The following DNAH17 variants were observed in gnomAD, a reference collection of about 807,000 sequenced individuals.
The protein encoded by DNAH17 is axonemal beta dynein heavy chain 17.
DNAH17 carries 376 observed loss-of-function variants against 485.6 expected under a neutral mutation model. That is an observed-to-expected ratio of 0.77 (90% CI 0.71 to 0.84). The LOEUF (loss-of-function observed/expected upper bound fraction) is 0.84. Ranked by LOEUF, DNAH17 falls within the 40% of genes least tolerant of loss-of-function variation. DNAH17 has a pLI of 0.00. For synonymous variants in DNAH17, 3,031 were observed against 2,405.9 expected, an observed-to-expected ratio of 1.26 and a Z score of -7.60; for missense variants, 6,370 against 5,839.3, an observed-to-expected ratio of 1.09 and a Z score of -2.96.
intron 48 of DNAH17, among the ~76,000 whole-genome samples, chr17:78,482,548 C>T (rs1054478832): frequency 3.3e-5 from 5 of 152,066 alleles, no homozygotes; most frequent in African/African-American, 1.2e-4. Context: ...ATTTTTTGCC[C>T]TTCTGTGTGT....
intron 74 of DNAH17, among the ~76,000 whole-genome samples, chr17:78,435,253 G>A (rs899456741): frequency 3.3e-5 from 5 of 152,130 alleles, no homozygotes; most frequent in Non-Finnish European, 7.3e-5. Context: ...AAGGCCTGGC[G>A]GGTGTCACCG....
intron 74 of DNAH17, among the ~76,000 whole-genome samples, chr17:78,435,497 TGGGATGA>T (rs1381946308): frequency 6.6e-6 from 1 of 152,096 alleles, no homozygotes; most frequent in Non-Finnish European, 1.5e-5. Flanking sequence ...CAACCAGAGA[TGGGATGA>T]GGTGCCACTC....
chr17:78,490,722 G>A lies in DNAH17; in HGVS notation c.6795C>T (p.Asn2265=). The A allele has an allele frequency of 1.2e-6, 2 of 1,608,658 alleles. No individual in the cohort carries two copies. ...TVSRAGILYI[N]PADLGWNPVV... ...ACGGGTTCCATCCCAGGTCGGCTGG[G>A]TTGATGTAGAGGATGCCGGCTCTGG... Residue 2265 remains asparagine, a synonymous_variant, in exon 44 of 81, where the codon AAC becomes AAT. Transcript: ENST00000389840.
At chr17:78,541,705 A>G (rs2091593675) in intron 17 of DNAH17, among the ~76,000 whole-genome samples, 1 of 151,820 alleles carries the variant, frequency 6.6e-6, no homozygotes, top group African/African-American at 2.4e-5. Context: ...CTTGGCTTCA[A>G]CCTCAGCCCA....
intron 3 of DNAH17, among the ~76,000 whole-genome samples, 168 bp downstream of exon 3, chr17:78,572,533 G>T (rs2092373987): frequency 6.7e-6 from 1 of 149,692 alleles, no homozygotes; most frequent in South Asian, 2.1e-4. Context: ...CTCAGTCTCA[G>T]CACCACCTAA....
At position 78,530,327 on chromosome 17, in the gene DNAH17, A is replaced by G. The variant is rs766469217; in HGVS notation, c.3284+16T>C. The stretch of plus-strand genomic sequence containing the variant: ...CACATTCCTTGGGCTCCCCGAGTAC[A>G]TGGCTGGGGACCCACCTGTTGGTGA... On this transcript the variant is annotated intron_variant, in intron 21 of 80. Transcript: ENST00000389840. The G allele has an allele frequency of 1.9e-5, 31 of 1,595,396 alleles. No individual in the cohort carries two copies. In the South Asian group the frequency reaches 3.1e-4, roughly 16 times the overall value.
chr17:78,480,001 AAAC>A (rs1376839678), intron 49 of DNAH17, among the ~76,000 whole-genome samples: 2 of 150,184 alleles, frequency 1.3e-5, no homozygotes, highest in African/African-American at 4.9e-5. Context: ...AATTTCAGAT[AAAC>A]AACAAGTACT....
chr17:78,500,084 A>G (rs1489883151), intron 36 of DNAH17: 3 of 529,174 alleles, frequency 5.7e-6, no homozygotes, highest in African/African-American at 2.0e-5. Context: ...GGGCTGGGGC[A>G]GGACATTTGG....
intron 48 of DNAH17, among the ~76,000 whole-genome samples, chr17:78,483,410 A>C (rs1598547014): frequency 6.6e-6 from 1 of 152,146 alleles, no homozygotes; most frequent in Non-Finnish European, 1.5e-5. Flanking sequence ...CGGGCAGATC[A>C]CCTGAGGTCA....
rs1433412176 is a variant in DNAH17 at position 78,505,311 on chromosome 17, T to C, written c.4938A>G (p.Glu1646=). The stretch of plus-strand genomic sequence containing the variant: ...CACTCACCTGCCCCGAGAGGTCGCA[T>C]TCCTGATCAAAAACCATGTACTCGT... ...KEDEYMVFDQ[E]CDLSGQVEVW... The change falls in exon 31 of 81, where the codon GAA becomes GAG. Residue 1646 remains glutamate, a synonymous_variant. Coordinates refer to ENST00000389840, the MANE Select transcript of DNAH17 (RefSeq NM_173628.4). The C allele has an allele frequency of 3.1e-6, 5 of 1,613,926 alleles. No individual in the cohort carries two copies. In the South Asian group the frequency reaches 3.3e-5, roughly 11 times the overall value.
chr17:78,508,348 G>A (rs774699447), intron 27 of DNAH17, among the ~76,000 whole-genome samples: 4 of 152,268 alleles, frequency 2.6e-5, no homozygotes, highest in African/African-American at 4.8e-5. Context: ...AATCCTGTCT[G>A]CTCAGACCCT....
At chr17:78,507,145 A>T in intron 29 of DNAH17, 133 bp downstream of exon 29, 1 of 1,040,444 alleles carries the variant, frequency 9.6e-7, no homozygotes. Context: ...GGGAAAGGCA[A>T]TTGATTAACC....
chr17:78,554,796 G>A (rs1427556806), intron 14 of DNAH17, among the ~76,000 whole-genome samples: 1 of 152,170 alleles, frequency 6.6e-6, no homozygotes, highest in Non-Finnish European at 1.5e-5. Context: ...ACCCAGGCTG[G>A]AGTGCAGTGG....
chr17:78,561,532 TCCCACCAAGAA>T (rs2092153945), intron 12 of DNAH17, among the ~76,000 whole-genome samples, 172 bp downstream of exon 12: 7 of 151,974 alleles, frequency 4.6e-5, no homozygotes, highest in Non-Finnish European at 1.0e-4. Context: ...TCCTGAGCAC[TCCCACCAAGAA>T]GGTGATCAGG....
rs772792347 is a variant in DNAH17 at position 78,505,406 on chromosome 17, T to C, written c.4843A>G (p.Lys1615Glu). 2 of 1,613,964 alleles carry C rather than the reference T, an allele frequency of 1.2e-6. No individual in the cohort carries two copies. The highest frequency in any genetic ancestry group is 2.2e-5 in the South Asian group (2 of 91,074). Residue 1615 changes from lysine (K) to glutamate (E), a missense_variant, in exon 31 of 81, where the codon AAA becomes GAA. Coordinates refer to ENST00000389840, the MANE Select transcript of DNAH17 (RefSeq NM_173628.4). ...HLSKLFDSLC[K>E]LKFRLDASDK... is the part of the protein sequence containing the mutation. Reference sequence around the variant, plus strand: ...CTGGCATCGAGCCGGAACTTCAGTTTACACAGGCTATCGAAGAGTTTGGAC... The same window carrying C: ...CTGGCATCGAGCCGGAACTTCAGTTCACACAGGCTATCGAAGAGTTTGGAC...
chr17:78,539,673 A>G, intron 18 of DNAH17, 64 bp downstream of exon 18: 1 of 1,326,284 alleles, frequency 7.5e-7, no homozygotes, highest in Non-Finnish European at 1.0e-6. Flanking sequence ...GAAACTAGAA[A>G]CTATAGATTC....
Position 78,455,786 on chromosome 17 carries a change from TC to T in DNAH17, c.10027del (p.Glu3343ArgfsTer35). 6.2e-7 allele frequency: 1 copy of T among 1,613,092 alleles called. No homozygotes were observed. Among genetic ancestry groups the T allele is most frequent in the Non-Finnish European group, 8.5e-7 (1 of 1,179,534 alleles). On this transcript the variant is annotated frameshift_variant, in exon 63 of 81. Coordinates refer to ENST00000389840, the MANE Select transcript of DNAH17 (RefSeq NM_173628.4). LOFTEE classifies it high-confidence loss of function. Reference protein sequence around the residue: ...SENIRWAESVENFRSQGVTLC... With the variant: ...SENIRWAESVXNFRSQGVTLC... ...CGTGACCCCCTGGCTCCTGAAGTTCTCCACAGACTCAGCCCAGCGGATGTTT... is the reference window on the plus strand; with the variant it reads ...CGTGACCCCCTGGCTCCTGAAGTTCTCACAGACTCAGCCCAGCGGATGTTT...
chr17:78,435,227 C>T (rs2086818115), intron 74 of DNAH17, among the ~76,000 whole-genome samples: 1 of 152,156 alleles, frequency 6.6e-6, no homozygotes, highest in Non-Finnish European at 1.5e-5. Context: ...GACTCACCAG[C>T]CCCCAAGGAC....
At chr17:78,455,596 G>A in intron 63 of DNAH17, 48 bp downstream of exon 63, 1 of 1,416,800 alleles carries the variant, frequency 7.1e-7, no homozygotes, top group Non-Finnish European at 9.4e-7. Flanking sequence ...CAAAGTGCTG[G>A]CATTACAGGC....
Sources: gnomAD v4.1 joint callset for allele counts (sites outside exome capture counted in the v4.1 genomes callset) on GRCh38, gnomAD v4.1.1 for gene constraint, MANE v1.5 for transcripts, NCBI Gene and HGNC (gene_info 2026-07-23, HGNC 2026-07-21) for gene names.